The following NEK10 variants were observed in gnomAD, a reference collection of about 807,000 sequenced individuals.
NEK10 encodes the protein NIMA related kinase 10, also known as serine/threonine-protein kinase Nek10.
Under a neutral mutation model 159.8 loss-of-function variants are expected in NEK10, and 122 were observed. The observed-to-expected ratio is 0.76, with a 90% CI of 0.66 to 0.89. The LOEUF is 0.89. NEK10 is among the 40% of genes least tolerant of loss of function. The pLI is 0.00. For missense variants in NEK10, 1,342 were observed against 1,323.1 expected (o/e 1.01, Z -0.22); for synonymous variants, 466 against 457.1 (o/e 1.02, Z -0.25).
chr3:27,248,488 C>T (rs1293712525), intron 23 of NEK10, among the ~76,000 whole-genome samples: 1 of 152,058 alleles, frequency 6.6e-6, no homozygotes, highest in Non-Finnish European at 1.5e-5. Flanking sequence ...TTGGTTTAGG[C>T]ATTTATAGCT....
chr3:27,278,957 T>C, intron 22 of NEK10: 1 of 981,496 alleles, frequency 1.0e-6, no homozygotes, highest in Non-Finnish European at 1.2e-6. Context: ...AGGCTGCAAA[T>C]AAATGGAGAA....
At chr3:27,162,047 T>C (rs909742366) in intron 30 of NEK10, among the ~76,000 whole-genome samples, 1 of 151,782 alleles carries the variant, frequency 6.6e-6, no homozygotes, top group Non-Finnish European at 1.5e-5. Context: ...AAGTAAAAGA[T>C]AATTATTTGT....
chr3:27,172,829 GC>G (rs1424015267), intron 28 of NEK10, among the ~76,000 whole-genome samples: 1 of 151,824 alleles, frequency 6.6e-6, no homozygotes, highest in Non-Finnish European at 1.5e-5. Flanking sequence ...TCCATGAATG[GC>G]TTTGTCTATA....
intron 13 of NEK10, 137 bp downstream of exon 13, chr3:27,301,559 G>A (rs375685712): frequency 1.6e-6 from 1 of 641,382 alleles, no homozygotes; most frequent in South Asian, 2.1e-5. Flanking sequence ...GAAGTTTCTG[G>A]CATCCATGTG....
chr3:27,175,870 A>G (rs1947458660), intron 26 of NEK10, among the ~76,000 whole-genome samples: 1 of 152,236 alleles, frequency 6.6e-6, no homozygotes, highest in Non-Finnish European at 1.5e-5. Flanking sequence ...ATTGTGTCCA[A>G]GATGATTTAG....
chr3:27,291,320 A>C lies in NEK10; in HGVS notation c.1547T>G (p.Ile516Arg). The C allele has an allele frequency of 1.2e-6, 2 of 1,613,616 alleles. No individual in the cohort carries two copies. The highest frequency in any genetic ancestry group is 1.7e-6 in the Non-Finnish European group (2 of 1,179,614). Residue 516 changes from isoleucine to arginine, a missense_variant, in exon 18 of 36, where the codon ATA becomes AGA. Ile to Arg is a moderately conservative substitution (Grantham distance 97, BLOSUM62 -3). Coordinates refer to ENST00000691995, the MANE Select transcript of NEK10 (RefSeq NM_001394966.1). ...INQNKAPLKYIGNYAILDHLG... is the reference protein window; with the variant it reads ...INQNKAPLKYRGNYAILDHLG... ...ATGATCCAAAATTGCATAGTTGCCTATATATTTCAAAGGAGCTTTGTTCTG... is the reference window on the plus strand; with the variant it reads ...ATGATCCAAAATTGCATAGTTGCCTCTATATTTCAAAGGAGCTTTGTTCTG...
At chr3:27,230,347 C>T (rs867533127) in intron 23 of NEK10, among the ~76,000 whole-genome samples, 14 of 152,148 alleles carry the variant, frequency 9.2e-5, no homozygotes, top group Middle Eastern at 3.4e-3. Flanking sequence ...ACGAAACTAG[C>T]ACTACAAGAA....
At chr3:27,162,799 A>G (rs1946139872) in intron 29 of NEK10, 61 bp from the exon 30 acceptor site, 8 of 1,609,778 alleles carry the variant, frequency 5.0e-6, no homozygotes, top group Non-Finnish European at 6.8e-6. Flanking sequence ...ACAAACTAAG[A>G]GCCTACATCT....
rs2042127562 is a variant in NEK10, at chr3:27,281,090, AAT to A, written c.2014+3510_2014+3511del. ...ATAAGACAAAAATTTTTGAAATTAAAATATGATAATATAAATTTAATATTCAA... is the reference window on the plus strand; with the variant it reads ...ATAAGACAAAAATTTTTGAAATTAAAATGATAATATAAATTTAATATTCAA... On this transcript the variant is annotated intron_variant, in intron 22 of 35. Coordinates refer to ENST00000691995, the MANE Select transcript of NEK10 (RefSeq NM_001394966.1). Among the ~76,000 whole-genome samples, 4 of 152,122 alleles carry A rather than the reference AAT, an allele frequency of 2.6e-5. No individual in the cohort carries two copies. The South Asian group carries it at 8.3e-4, about 32-fold the overall frequency.
At chr3:27,294,732 C>G (rs566406825) in intron 15 of NEK10, among the ~76,000 whole-genome samples, 3 of 151,992 alleles carry the variant, frequency 2.0e-5, no homozygotes, top group South Asian at 2.1e-4. Context: ...AGATTGGAGA[C>G]AAAGGTTGTT....
chr3:27,218,375 G>T (rs1951742492), intron 23 of NEK10, among the ~76,000 whole-genome samples: 1 of 152,122 alleles, frequency 6.6e-6, no homozygotes, highest in Admixed American at 6.5e-5. Context: ...GGGAGACCAA[G>T]GCGGGCGGAT....
chr3:27,123,843 A>G (rs1941617039), intron 32 of NEK10, among the ~76,000 whole-genome samples: 2 of 151,958 alleles, frequency 1.3e-5, no homozygotes, highest in Non-Finnish European at 2.9e-5. Context: ...AAAAGCATGT[A>G]CAAGACTACG....
intron 23 of NEK10, among the ~76,000 whole-genome samples, chr3:27,237,596 A>C (rs1391686632): frequency 6.6e-6 from 1 of 151,734 alleles, no homozygotes; most frequent in Admixed American, 6.6e-5. Flanking sequence ...TGGGAGCTAA[A>C]CTGTGAGTAT....
chr3:27,253,091 G>A (rs1054129829), intron 23 of NEK10, among the ~76,000 whole-genome samples: 1 of 151,888 alleles, frequency 6.6e-6, no homozygotes, highest in South Asian at 2.1e-4. Context: ...TTTACCTACA[G>A]GTTTATTTTG....
At chr3:27,118,203 T>C (rs1235766688) in intron 33 of NEK10, among the ~76,000 whole-genome samples, 1 of 152,228 alleles carries the variant, frequency 6.6e-6, no homozygotes, top group African/African-American at 2.4e-5. Flanking sequence ...CAGTCCATGC[T>C]GTTTTGGTTA....
chr3:27,237,085 G>A (rs570378805), intron 23 of NEK10, among the ~76,000 whole-genome samples: 11 of 152,150 alleles, frequency 7.2e-5, no homozygotes, highest in Admixed American at 2.0e-4. Flanking sequence ...AGAATTCAGC[G>A]ATATCTCTCC....
intron 29 of NEK10, among the ~76,000 whole-genome samples, chr3:27,167,887 C>T (rs865958921): frequency 1.3e-5 from 2 of 152,172 alleles, no homozygotes; most frequent in Non-Finnish European, 2.9e-5. Flanking sequence ...CAGGCAGGGG[C>T]TATCCCTCCT....
intron 26 of NEK10, 83 bp downstream of exon 26, chr3:27,191,946 T>C: frequency 8.4e-7 from 1 of 1,185,458 alleles, no homozygotes; most frequent in Non-Finnish European, 1.2e-6. Context: ...TAACTTTTGA[T>C]GAATGTTCCT....
At chr3:27,313,188 T>G (rs542991585) in intron 7 of NEK10, among the ~76,000 whole-genome samples, 45 of 143,862 alleles carry the variant, frequency 3.1e-4, no homozygotes, top group Non-Finnish European at 5.0e-4. Context: ...TCACTTGAAC[T>G]TGGGAGGCAG....
Sources: gnomAD v4.1 joint callset for allele counts (sites outside exome capture counted in the v4.1 genomes callset) on GRCh38, gnomAD v4.1.1 for gene constraint, MANE v1.5 for transcripts, NCBI Gene and HGNC (gene_info 2026-07-23, HGNC 2026-07-21) for gene names.